Variants in OPCML observed in about 807,000 individuals in gnomAD.
The protein encoded by OPCML is opioid binding protein/cell adhesion molecule like, also known as opioid-binding protein/cell adhesion molecule.
A neutral mutation model predicts 37.8 loss-of-function variants in OPCML; 13 were observed. That is an observed-to-expected ratio of 0.34 (90% CI 0.22 to 0.55). The LOEUF is 0.55. Ranked by LOEUF, OPCML falls within the 20% of genes least tolerant of loss-of-function variation. OPCML has a pLI of 0.91. For missense variants in OPCML, 341 were observed against 435.6 expected (o/e 0.78, Z 1.93); for synonymous variants, 176 against 168.8 (o/e 1.04, Z -0.33).
At chr11:132,704,475 A>G (rs1418665809) in intron 2 of OPCML, among the ~76,000 whole-genome samples, 1 of 152,210 alleles carries the variant, frequency 6.6e-6, no homozygotes, top group Non-Finnish European at 1.5e-5. Context: ...GAGAACTAGA[A>G]GCCAGTGGGC....
intron 1 of OPCML, among the ~76,000 whole-genome samples, chr11:133,169,604 G>A (rs76392079): frequency 2.0e-5 from 3 of 152,034 alleles, no homozygotes; most frequent in African/African-American, 7.3e-5. Flanking sequence ...ATATAGAAGC[G>A]AAAACAAAAC....
intron 2 of OPCML, among the ~76,000 whole-genome samples, chr11:132,729,863 A>G (rs1358188594): frequency 2.0e-5 from 3 of 152,184 alleles, no homozygotes; most frequent in African/African-American, 4.8e-5. Flanking sequence ...ATATTCTACC[A>G]AAGGCAAGTA....
chr11:133,408,350 A>G (rs919894799), intron 1 of OPCML, among the ~76,000 whole-genome samples: 1 of 152,240 alleles, frequency 6.6e-6, no homozygotes, highest in African/African-American at 2.4e-5. Context: ...TTCTGCAGTG[A>G]AAATTGTTAG....
At chr11:133,290,637 C>T (rs567601815) in intron 1 of OPCML, among the ~76,000 whole-genome samples, 3 of 152,290 alleles carry the variant, frequency 2.0e-5, no homozygotes, top group African/African-American at 7.2e-5. Flanking sequence ...GGGATTGTGC[C>T]AGGAGATGTC....
intron 1 of OPCML, among the ~76,000 whole-genome samples, chr11:133,314,213 C>CA (rs1943144673): frequency 1.9e-5 from 2 of 108,024 alleles, no homozygotes; most frequent in Admixed American, 2.9e-4. Flanking sequence ...CCAGCCTGGG[C>CA]TACAGCGAGA....
chr11:133,272,604 G>T (rs1179873414), intron 1 of OPCML, among the ~76,000 whole-genome samples: 2 of 152,180 alleles, frequency 1.3e-5, no homozygotes, highest in Non-Finnish European at 1.5e-5. Flanking sequence ...CTCGGGGCAG[G>T]GTATGAGGCA....
chr11:133,040,964 A>T (rs1313816613), intron 1 of OPCML, among the ~76,000 whole-genome samples: 2 of 152,220 alleles, frequency 1.3e-5, no homozygotes, highest in Non-Finnish European at 2.9e-5. Flanking sequence ...AGAGATCAGC[A>T]GGGAAGGAAT....
intron 1 of OPCML, among the ~76,000 whole-genome samples, chr11:133,387,370 C>T (rs190298418): frequency 1.3e-5 from 2 of 152,152 alleles, no homozygotes; most frequent in African/African-American, 2.4e-5. Context: ...CAGCCACCGG[C>T]GGGGTGTTAC....
chr11:132,717,678 A>G (rs549450551), intron 2 of OPCML, among the ~76,000 whole-genome samples: 21 of 152,330 alleles, frequency 1.4e-4, no homozygotes, highest in Admixed American at 1.1e-3. Flanking sequence ...CAAACAATCA[A>G]ACTCAGAAAA....
At chr11:133,130,817 G>T (rs757279887) in intron 1 of OPCML, among the ~76,000 whole-genome samples, 5 of 152,052 alleles carry the variant, frequency 3.3e-5, no homozygotes, top group Non-Finnish European at 5.9e-5. Flanking sequence ...TGACAAAGGA[G>T]CTAAAGAAAT....
chr11:132,463,148 C>A (rs1434544271), intron 4 of OPCML, among the ~76,000 whole-genome samples: 1 of 152,222 alleles, frequency 6.6e-6, no homozygotes, highest in Non-Finnish European at 1.5e-5. Flanking sequence ...ATACAATCTT[C>A]CAGTTTCACT....
intron 1 of OPCML, among the ~76,000 whole-genome samples, chr11:133,425,090 T>A (rs535409268): frequency 6.6e-6 from 1 of 152,210 alleles, no homozygotes; most frequent in Non-Finnish European, 1.5e-5. Context: ...CTTAGAAAGA[T>A]AGATTGTTCA....
At chr11:133,186,139 G>C (rs1193113761) in intron 1 of OPCML, among the ~76,000 whole-genome samples, 3 of 152,136 alleles carry the variant, frequency 2.0e-5, no homozygotes, top group Non-Finnish European at 4.4e-5. Context: ...GCTTTCAATG[G>C]CATTTAATTG....
intron 2 of OPCML, among the ~76,000 whole-genome samples, chr11:132,793,948 C>A (rs987032674): frequency 6.6e-6 from 1 of 152,238 alleles, no homozygotes; most frequent in African/African-American, 2.4e-5. Flanking sequence ...TGCCGTGACC[C>A]CCATGCCCGT....
At chr11:133,247,195 C>T (rs1270797156) in intron 1 of OPCML, among the ~76,000 whole-genome samples, 1 of 152,018 alleles carries the variant, frequency 6.6e-6, no homozygotes, top group Non-Finnish European at 1.5e-5. Flanking sequence ...AAAAATAATA[C>T]CCTGAAAAAT....
rs7937077 is a variant in OPCML at position 133,409,090 on chromosome 11, C to T, written c.61+123174G>A. Among the ~76,000 whole-genome samples, 61 of 152,132 alleles carry T rather than the reference C, an allele frequency of 4.0e-4. 1 individual carries two copies. The Middle Eastern group carries it at 0.01, about 25-fold the overall frequency. On this transcript the variant is annotated intron_variant, in intron 1 of 7. Transcript: ENST00000524381. The stretch of plus-strand genomic sequence containing the variant: ...AACAGGCAGCTGTGAGGGGGACGAG[C>T]GTGGGCTGTGGAAGGAAGGAGGTGG...
rs374391022 is a variant in OPCML, at chr11:132,493,352, T to C, written c.505+35709A>G. On this transcript the variant is annotated intron_variant, in intron 4 of 7. Transcript: ENST00000524381. ...AGCTGCTGAGATGCTCTTCCCTTTA[T>C]ATCCAGACAAGGAGGATATGTGCAA... 1.4e-4 allele frequency among the ~76,000 whole-genome samples: 21 copies of C among 152,214 alleles called. No individual in the cohort carries two copies. In the East Asian group the frequency reaches 1.7e-3, roughly 13 times the overall value.
At chr11:132,715,344 G>A (rs1944431837) in intron 2 of OPCML, among the ~76,000 whole-genome samples, 1 of 152,158 alleles carries the variant, frequency 6.6e-6, no homozygotes, top group South Asian at 2.1e-4. Context: ...CCCGTGAGCT[G>A]TCCACAAATT....
At chr11:132,948,912 T>G (rs974262029) in intron 1 of OPCML, among the ~76,000 whole-genome samples, 4 of 152,174 alleles carry the variant, frequency 2.6e-5, no homozygotes, top group African/African-American at 7.2e-5. Context: ...TGACAATTTG[T>G]AACAGAAAAT....
Sources: allele counts gnomAD v4.1 joint callset (sites outside exome capture counted in the v4.1 genomes callset), GRCh38; gene constraint gnomAD v4.1.1; transcripts MANE v1.5; gene names NCBI Gene and HGNC (gene_info 2026-07-23, HGNC 2026-07-21).